Variants in MAGI2 observed in about 807,000 individuals in gnomAD.
The protein encoded by MAGI2 is membrane associated guanylate kinase, WW and PDZ domain containing 2.
MAGI2 carries 35 observed loss-of-function variants against 133.3 expected under a neutral mutation model. The observed-to-expected ratio is 0.26, with a 90% CI of 0.20 to 0.35. MAGI2 has a LOEUF of 0.35. Ranked by LOEUF, MAGI2 falls within the 10% of genes least tolerant of loss-of-function variation. The pLI, the probability that MAGI2 is intolerant of heterozygous loss-of-function variation, is 1.00. For missense variants in MAGI2, 1,636 were observed against 1,863.4 expected, an observed-to-expected ratio of 0.88 and a Z score of 2.25; for synonymous variants, 729 against 710.6, an observed-to-expected ratio of 1.03 and a Z score of -0.41.
At position 78,823,613 on chromosome 7, in the gene MAGI2, ACTGT is replaced by A. The variant is rs1490663582; in HGVS notation, c.418+183473_418+183476del. On this transcript the variant is annotated intron_variant, in intron 2 of 21. Transcript: ENST00000354212. ...AAAAAAAAAAAAAAAGAAATACGAC[ACTGT>A]CTATTTCAGCAGCCAGTTAAACAAA... Among the ~76,000 whole-genome samples, 132 of 150,818 alleles carry A rather than the reference ACTGT, an allele frequency of 8.8e-4. 1 individual carries two copies. Among genetic ancestry groups the A allele is most frequent in the African/African-American group, 3.1e-3 (126 of 41,178 alleles).
At chr7:78,277,697 T>C (rs1219108598) in intron 9 of MAGI2, among the ~76,000 whole-genome samples, 2 of 152,096 alleles carry the variant, frequency 1.3e-5, no homozygotes, top group African/African-American at 4.8e-5. Context: ...GTGGCAACAG[T>C]AGAACATCAG....
intron 2 of MAGI2, among the ~76,000 whole-genome samples, chr7:78,910,318 C>A: frequency 7.1e-6 from 1 of 141,288 alleles, no homozygotes; most frequent in Non-Finnish European, 1.5e-5. Context: ...CCAAGTCAAA[C>A]TTTGGAATTA....
At chr7:79,229,058 A>C (rs922343953) in intron 1 of MAGI2, among the ~76,000 whole-genome samples, 10 of 151,824 alleles carry the variant, frequency 6.6e-5, no homozygotes, top group Non-Finnish European at 2.9e-5. Context: ...TCTGAAGTAA[A>C]GCTCTGCAGG....
chr7:79,180,120 C>G (rs1826479394), intron 1 of MAGI2, among the ~76,000 whole-genome samples: 1 of 151,970 alleles, frequency 6.6e-6, no homozygotes, highest in Non-Finnish European at 1.5e-5. Flanking sequence ...GAATTGATAT[C>G]TTTCAAAAGA....
At chr7:78,212,642 G>A (rs1268211254) in intron 10 of MAGI2, among the ~76,000 whole-genome samples, 1 of 152,192 alleles carries the variant, frequency 6.6e-6, no homozygotes, top group Non-Finnish European at 1.5e-5. Context: ...AAGCCACTAA[G>A]TTTGTAAGGA....
At chr7:78,065,673 G>T in intron 21 of MAGI2, 1 of 682,404 alleles carries the variant, frequency 1.5e-6, no homozygotes, top group South Asian at 1.6e-5. Context: ...CTAAAGGAAG[G>T]GGAGGAACAG....
chr7:78,061,481 G>T (rs1813267461), intron 21 of MAGI2, among the ~76,000 whole-genome samples: 1 of 151,462 alleles, frequency 6.6e-6, no homozygotes, highest in Non-Finnish European at 1.5e-5. Context: ...AGCCAAGGTA[G>T]TTTTGAGCCA....
rs1795573831 is a variant in MAGI2 at position 78,878,187 on chromosome 7, T to C, written c.418+128903A>G. 5.9e-5 allele frequency among the ~76,000 whole-genome samples: 9 copies of C among 152,346 alleles called. No individual in the cohort carries two copies. The South Asian group carries it at 1.9e-3, about 32-fold the overall frequency. ...TCAATATATGTTTATTTTTGCTTCATATATGCCTGACTCAATGAATGAATG... is the reference window on the plus strand; with the variant it reads ...TCAATATATGTTTATTTTTGCTTCACATATGCCTGACTCAATGAATGAATG... On this transcript the variant is annotated intron_variant, in intron 2 of 21. Coordinates refer to ENST00000354212, the MANE Select transcript of MAGI2 (RefSeq NM_012301.4).
intron 20 of MAGI2, among the ~76,000 whole-genome samples, chr7:78,124,226 A>G (rs950882564): frequency 3.3e-5 from 5 of 152,180 alleles, no homozygotes; most frequent in Non-Finnish European, 7.4e-5. Flanking sequence ...GCCTTATAGC[A>G]GGTTAAGAAA....
intron 7 of MAGI2, among the ~76,000 whole-genome samples, chr7:78,362,210 G>A (rs1187808479): frequency 1.3e-5 from 2 of 152,120 alleles, no homozygotes; most frequent in Admixed American, 6.5e-5. Flanking sequence ...GCTGTGGCAC[G>A]AGAATCGCTT....
chr7:78,921,271 T>A (rs1457046726), intron 2 of MAGI2, among the ~76,000 whole-genome samples: 1 of 152,152 alleles, frequency 6.6e-6, no homozygotes, highest in Non-Finnish European at 1.5e-5. Context: ...TATGCTTAGG[T>A]GCTATGACCT....
chr7:78,686,356 G>A (rs1200073039), intron 2 of MAGI2, among the ~76,000 whole-genome samples: 1 of 152,022 alleles, frequency 6.6e-6, no homozygotes, highest in African/African-American at 2.4e-5. Context: ...ACGTAAGTGT[G>A]GACCTCTCCC....
Position 78,049,609 on chromosome 7 carries a change from T to C in MAGI2, c.3706+29338A>G, listed in dbSNP as rs562643138. ...TCCTATGATGTTTTTTTTAAGTGGC[T>C]CGCGGTAGAACCCCTAACAGCCTTT... On this transcript the variant is annotated intron_variant, in intron 21 of 21. Transcript: ENST00000354212. 2.4e-4 allele frequency among the ~76,000 whole-genome samples: 37 copies of C among 152,302 alleles called. 1 individual carries two copies. Among genetic ancestry groups the C allele is most frequent in the Admixed American group, 2.0e-3 (31 of 15,298 alleles).
rs553606533 is a variant in MAGI2, at chr7:78,527,602, T to C, written c.539-5957A>G. On this transcript the variant is annotated intron_variant, in intron 3 of 21. Coordinates refer to ENST00000354212, the MANE Select transcript of MAGI2 (RefSeq NM_012301.4). Reference sequence around the variant, plus strand: ...TGTTCTTTATGCTTTTAAATTCCAGTATTATGACAAGAAATAGGAAAGACA... The same window carrying C: ...TGTTCTTTATGCTTTTAAATTCCAGCATTATGACAAGAAATAGGAAAGACA... Among the ~76,000 whole-genome samples the C allele has an allele frequency of 3.3e-4, 51 of 152,354 alleles. 1 individual carries two copies. Among genetic ancestry groups the C allele is most frequent in the Admixed American group, 1.4e-3 (21 of 15,306 alleles).
intron 2 of MAGI2, among the ~76,000 whole-genome samples, chr7:78,810,273 C>A (rs1287072151): frequency 6.6e-6 from 1 of 151,912 alleles, no homozygotes; most frequent in Non-Finnish European, 1.5e-5. Flanking sequence ...TAAAAAGTAT[C>A]CAGGAAGGGA....
At chr7:78,457,213 G>A (rs1327759354) in intron 6 of MAGI2, among the ~76,000 whole-genome samples, 4 of 152,170 alleles carry the variant, frequency 2.6e-5, no homozygotes, top group Non-Finnish European at 5.9e-5. Flanking sequence ...GCACATAGTT[G>A]GCTTTCACAG....
At chr7:78,912,746 T>TATA (rs1434753811) in intron 2 of MAGI2, among the ~76,000 whole-genome samples, 2 of 145,804 alleles carry the variant, frequency 1.4e-5, no homozygotes, top group African/African-American at 5.1e-5. Context: ...ATATATATCA[T>TATA]TCATATATAT....
chr7:78,749,738 T>A (rs968174645), intron 2 of MAGI2, among the ~76,000 whole-genome samples: 1 of 152,224 alleles, frequency 6.6e-6, no homozygotes, highest in South Asian at 2.1e-4. Flanking sequence ...AAAAAAGACC[T>A]GGACTGTGCT....
intron 3 of MAGI2, among the ~76,000 whole-genome samples, chr7:78,576,846 C>T (rs1802316673): frequency 6.6e-6 from 1 of 152,128 alleles, no homozygotes; most frequent in Non-Finnish European, 1.5e-5. Flanking sequence ...TGCCTGTAAT[C>T]CTAGCACTTT....
Sources: allele counts gnomAD v4.1 joint callset (sites outside exome capture counted in the v4.1 genomes callset), GRCh38; gene constraint gnomAD v4.1.1; transcripts MANE v1.5; gene names NCBI Gene and HGNC (gene_info 2026-07-23, HGNC 2026-07-21).